The following SUMF1 variants were observed in gnomAD, a reference collection of about 807,000 sequenced individuals.
SUMF1 encodes the protein formylglycine-generating enzyme.
In SUMF1, 48 loss-of-function variants were observed where a neutral mutation model predicts 47.6. The ratio of observed to expected loss-of-function variants is 1.01; its 90% CI spans 0.80 to 1.28. The LOEUF (loss-of-function observed/expected upper bound fraction) is 1.28, where lower values mean the gene tolerates loss of function less well. Among genes scored for constraint, SUMF1 ranks in the 50% most tolerant of loss-of-function variants. The probability of loss-of-function intolerance (pLI) is 0.00; values close to 1 mark genes in which losing one functional copy is unlikely to be tolerated. For missense variants in SUMF1, 571 were observed against 485.4 expected (o/e 1.18, Z -1.66); for synonymous variants, 230 against 192.1 (o/e 1.20, Z -1.63).
intron 8 of SUMF1, among the ~76,000 whole-genome samples, chr3:4,364,498 T>A (rs1189954173): frequency 6.7e-6 from 1 of 150,354 alleles, no homozygotes; most frequent in African/African-American, 2.4e-5. Flanking sequence ...CTAGATTTTC[T>A]AGTTTATTTG....
chr3:4,350,855 T>C (rs1451550643), intron 8 of SUMF1, among the ~76,000 whole-genome samples: 2 of 152,040 alleles, frequency 1.3e-5, no homozygotes, highest in East Asian at 3.9e-4. Context: ...CCCCTCCCTT[T>C]TTGCTCATAC....
intron 7 of SUMF1, among the ~76,000 whole-genome samples, chr3:4,392,293 T>C (rs1039465899): frequency 1.3e-5 from 2 of 152,178 alleles, no homozygotes; most frequent in Non-Finnish European, 2.9e-5. Flanking sequence ...TTTGATTCTC[T>C]ATTTGTTGAC....
Position 4,327,291 on chromosome 3 carries a change from CTGGAAATTTTCTCTCTAGCCTAA to C in SUMF1, c.1014+49016_1014+49038del, listed in dbSNP as rs543677369. ...ACACATTAGCTCTCCAGTGAGAATC[CTGGAAATTTTCTCTCTAGCCTAA>C]TGGCACAATGTCTAAAATTATCTGA... On this transcript the variant is annotated intron_variant and NMD_transcript_variant, in intron 8 of 12. Transcript: ENST00000448413. Among the ~76,000 whole-genome samples the C allele has an allele frequency of 1.9e-4, 29 of 152,268 alleles. No homozygotes were observed. In the South Asian group the frequency reaches 6.0e-3, roughly 32 times the overall value.
chr3:4,291,085 T>A lies in SUMF1; in HGVS notation c.1014+85245A>T, dbSNP rs140170278. Among the ~76,000 whole-genome samples the A allele has an allele frequency of 2.1e-4, 32 of 152,312 alleles. No homozygotes were observed. The South Asian group carries it at 6.2e-3, about 30-fold the overall frequency. On this transcript the variant is annotated intron_variant and NMD_transcript_variant, in intron 8 of 12. Coordinates refer to the SUMF1 transcript ENST00000448413. ...AAAAGAACCCACATAAAATGTTTTG[T>A]CTAATGTCGGGCACATAGTATGTGT...
chr3:4,206,891 G>T (rs1249926934), intron 8 of SUMF1, among the ~76,000 whole-genome samples: 1 of 151,912 alleles, frequency 6.6e-6, no homozygotes, highest in Non-Finnish European at 1.5e-5. Context: ...TCTATGAAAA[G>T]CCTGCTGGAA....
chr3:4,154,582 A>G (rs1355285590), intron 8 of SUMF1, among the ~76,000 whole-genome samples: 1 of 149,740 alleles, frequency 6.7e-6, no homozygotes, highest in South Asian at 2.1e-4. Flanking sequence ...AAGGTCACAT[A>G]GCTATGAAGT....
chr3:4,371,580 A>G lies in SUMF1; in HGVS notation c.1014+4750T>C, dbSNP rs182320841. ...TGCTCTTGCCACTAACACTAGACCA[A>G]CTCCTTTTGCTCTTCATCTTGGTAG... On this transcript the variant is annotated intron_variant, in intron 8 of 8. Transcript: ENST00000272902. Among the ~76,000 whole-genome samples the G allele has an allele frequency of 2.2e-3, 331 of 152,046 alleles. 5 individuals are homozygous for G. The highest frequency in any genetic ancestry group is 6.0e-4 in the Non-Finnish European group (41 of 67,974).
downstream of SUMF1, among the ~76,000 whole-genome samples, chr3:4,360,512 T>C (rs1161720886): frequency 6.6e-6 from 1 of 152,006 alleles, no homozygotes; most frequent in Admixed American, 6.6e-5. Context: ...TTTGTATTTT[T>C]AGTAGAAATA....
At chr3:4,287,139 G>T (rs13060153) in intron 8 of SUMF1, among the ~76,000 whole-genome samples, 3 of 151,948 alleles carry the variant, frequency 2.0e-5, no homozygotes, top group Non-Finnish European at 2.9e-5. Flanking sequence ...CTGAGTTCTT[G>T]TATGTTTTCA....
chr3:4,256,790 G>T (rs1030371419), intron 8 of SUMF1, among the ~76,000 whole-genome samples: 1 of 151,322 alleles, frequency 6.6e-6, no homozygotes, highest in Non-Finnish European at 1.5e-5. Flanking sequence ...TACCAAAGCC[G>T]GGCAGAGACA....
intron 8 of SUMF1, among the ~76,000 whole-genome samples, chr3:4,180,299 G>A (rs552868870): frequency 1.3e-5 from 2 of 152,128 alleles, no homozygotes; most frequent in Non-Finnish European, 2.9e-5. Context: ...CAACCCAAAT[G>A]TCCATCAATG....
At chr3:4,165,885 C>A (rs923047654) in intron 8 of SUMF1, among the ~76,000 whole-genome samples, 5 of 146,100 alleles carry the variant, frequency 3.4e-5, no homozygotes, top group African/African-American at 1.3e-4. Context: ...CGAGCAAGAA[C>A]CTGCAATGGT....
intron 7 of SUMF1, among the ~76,000 whole-genome samples, chr3:4,409,723 A>C (rs1701484453): frequency 1.3e-5 from 2 of 152,194 alleles, no homozygotes; most frequent in African/African-American, 4.8e-5. Flanking sequence ...TGGAAAGTAA[A>C]AGAAACTGAG....
At chr3:4,199,317 G>A (rs555842139) in intron 8 of SUMF1, among the ~76,000 whole-genome samples, 1 of 152,214 alleles carries the variant, frequency 6.6e-6, no homozygotes, top group African/African-American at 2.4e-5. Flanking sequence ...TAAGTAGTTT[G>A]CTCCTTCTTA....
chr3:4,410,199 G>A (rs1701497075), intron 7 of SUMF1, among the ~76,000 whole-genome samples: 1 of 152,190 alleles, frequency 6.6e-6, no homozygotes. Context: ...TCCATGTAGT[G>A]TCTCAATTTG....
chr3:4,053,656 T>C (rs1434498330), intron 9 of SUMF1, among the ~76,000 whole-genome samples: 1 of 152,140 alleles, frequency 6.6e-6, no homozygotes, highest in East Asian at 1.9e-4. Flanking sequence ...CTCCGAACTG[T>C]GACATGGCCT....
chr3:4,106,506 C>T (rs1322169425), intron 8 of SUMF1, among the ~76,000 whole-genome samples: 1 of 152,044 alleles, frequency 6.6e-6, no homozygotes, highest in Non-Finnish European at 1.5e-5. Context: ...TTCTTTTAAT[C>T]AGAACAATAT....
intron 9 of SUMF1, among the ~76,000 whole-genome samples, chr3:4,052,198 C>T (rs1439786113): frequency 1.3e-5 from 2 of 152,070 alleles, no homozygotes; most frequent in Non-Finnish European, 2.9e-5. Flanking sequence ...CAATGTGTCT[C>T]CACATGATGG....
At chr3:4,421,066 C>T (rs1416726664) in intron 3 of SUMF1, among the ~76,000 whole-genome samples, 2 of 152,214 alleles carry the variant, frequency 1.3e-5, no homozygotes, top group African/African-American at 4.8e-5. Flanking sequence ...CAAACAGTAA[C>T]TAGAACCTTA....
Sources: allele counts gnomAD v4.1 joint callset (sites outside exome capture counted in the v4.1 genomes callset), GRCh38; gene constraint gnomAD v4.1.1; transcripts MANE v1.5; gene names NCBI Gene and HGNC (gene_info 2026-07-23, HGNC 2026-07-21).